The following PSMD14 variants were observed in gnomAD, a reference collection of about 807,000 sequenced individuals.
The protein encoded by PSMD14 is ubiquitin C-terminal hydrolase PSMD14.
In PSMD14, 7 loss-of-function variants were observed where a neutral mutation model predicts 41.2. The ratio of observed to expected loss-of-function variants is 0.17; its 90% CI spans 0.10 to 0.32. The LOEUF (loss-of-function observed/expected upper bound fraction) is 0.32. Among genes scored for constraint, PSMD14 ranks in the 10% least tolerant of loss-of-function variants. The probability of loss-of-function intolerance (pLI) is 1.00; values close to 1 mark genes in which losing one functional copy is unlikely to be tolerated. For synonymous variants in PSMD14, 114 were observed against 122.3 expected (o/e 0.93, Z 0.45); for missense variants, 139 against 375.6 (o/e 0.37, Z 5.21).
chr2:161,340,988 C>T, intron 3 of PSMD14: 3 of 1,612,346 alleles, frequency 1.9e-6, no homozygotes, highest in South Asian at 2.2e-5. Flanking sequence ...CCTCTTCCTG[C>T]CTCGCCTCCA....
intron 3 of PSMD14, among the ~76,000 whole-genome samples, chr2:161,344,949 A>G (rs1366433220): frequency 2.0e-5 from 3 of 152,202 alleles, no homozygotes; most frequent in Non-Finnish European, 2.9e-5. Flanking sequence ...TATCATGCTA[A>G]GAAATGCTTG....
chr2:161,321,785 A>G (rs899663743), intron 3 of PSMD14, among the ~76,000 whole-genome samples: 4 of 152,196 alleles, frequency 2.6e-5, no homozygotes, highest in African/African-American at 9.7e-5. Context: ...GAAGACACAC[A>G]GGATGGGGTC....
intron 10 of PSMD14, among the ~76,000 whole-genome samples, chr2:161,405,134 A>C (rs1031680400): frequency 6.6e-6 from 1 of 152,080 alleles, no homozygotes; most frequent in African/African-American, 2.4e-5. Context: ...TCATTTTTCT[A>C]GGCATCGTGT....
intron 7 of PSMD14, among the ~76,000 whole-genome samples, chr2:161,377,277 C>T (rs963860872): frequency 6.6e-6 from 1 of 151,792 alleles, no homozygotes; most frequent in Non-Finnish European, 1.5e-5. Context: ...AATAGGAAAT[C>T]GAATACATAA....
intron 3 of PSMD14, among the ~76,000 whole-genome samples, chr2:161,345,708 C>T (rs1304017153): frequency 6.6e-6 from 1 of 152,110 alleles, no homozygotes; most frequent in East Asian, 1.9e-4. Flanking sequence ...ATTTTAATCA[C>T]ATTTGGACAA....
chr2:161,371,408 G>A (rs1683432469), intron 7 of PSMD14, 86 bp downstream of exon 7: 6 of 1,368,320 alleles, frequency 4.4e-6, no homozygotes, highest in Admixed American at 4.7e-5. Context: ...GTTCAAAGCA[G>A]GATTCTTAAT....
chr2:161,360,965 T>C (rs1683282000), intron 3 of PSMD14, among the ~76,000 whole-genome samples: 1 of 152,260 alleles, frequency 6.6e-6, no homozygotes, highest in Non-Finnish European at 1.5e-5. Flanking sequence ...GGAAAACTAT[T>C]TTTTCAGGGT....
chr2:161,393,276 T>C (rs533623647), intron 9 of PSMD14, among the ~76,000 whole-genome samples: 1 of 152,178 alleles, frequency 6.6e-6, no homozygotes, highest in Non-Finnish European at 1.5e-5. Flanking sequence ...GCATAGGTAG[T>C]TGTAGCAGCA....
chr2:161,371,316 A>G lies in PSMD14; in HGVS notation c.456A>G (p.Lys152=). The G allele has an allele frequency of 1.9e-6, 3 of 1,608,256 alleles. No individual in the cohort carries two copies. In the African/African-American group the frequency reaches 4.0e-5, roughly 21 times the overall value. The change falls in exon 7 of 12, where the codon AAA becomes AAG. Residue 152 remains lysine (K), a synonymous_variant. Coordinates refer to ENST00000409682, the MANE Select transcript of PSMD14 (RefSeq NM_005805.6). ...TTGTGGATCCCATTCAGAGTGTAAA[A>G]GGAAAGGTAGAGTAGATTCTATCTT... is the stretch of plus-strand genomic sequence containing the variant. ...AVVVDPIQSV[K]GKVVIDAFRL... is the part of the protein sequence containing the mutation.
chr2:161,335,379 C>T (rs903390178), intron 3 of PSMD14, among the ~76,000 whole-genome samples: 2 of 152,194 alleles, frequency 1.3e-5, no homozygotes, highest in Admixed American at 6.5e-5. Flanking sequence ...CTACCGAGTC[C>T]TTGAAATGTA....
Position 161,318,849 on chromosome 2 carries a change from A to C in PSMD14, c.24A>C (p.Gly8=). The change falls in exon 3 of 12, where the codon GGA becomes GGC. Residue 8 remains glycine, a synonymous_variant. Coordinates refer to ENST00000409682, the MANE Select transcript of PSMD14 (RefSeq NM_005805.6). The stretch of plus-strand genomic sequence containing the variant: ...ATATGGACAGACTTCTTAGACTTGG[A>C]GGAGGTATGCCTGGACTGGGCCAGG... The part of the protein sequence containing the change: MDRLLRL[G]GGMPGLGQGP... 6.2e-7 allele frequency: 1 copy of C among 1,612,974 alleles called. No individual in the cohort carries two copies. Among genetic ancestry groups the C allele is most frequent in the Non-Finnish European group, 8.5e-7 (1 of 1,179,308 alleles).
At chr2:161,407,218 T>C (rs1683959377) in intron 10 of PSMD14, among the ~76,000 whole-genome samples, 1 of 152,102 alleles carries the variant, frequency 6.6e-6, no homozygotes, top group African/African-American at 2.4e-5. Context: ...CTTAATATGT[T>C]TTGTCAATGT....
At chr2:161,310,072 A>G (rs948147241) in intron 1 of PSMD14, among the ~76,000 whole-genome samples, 3 of 152,132 alleles carry the variant, frequency 2.0e-5, no homozygotes, top group Non-Finnish European at 4.4e-5. Context: ...TGGAGGTGGA[A>G]CCTGGGAGGT....
intron 3 of PSMD14, among the ~76,000 whole-genome samples, chr2:161,326,760 T>C (rs1682705541): frequency 6.6e-6 from 1 of 152,232 alleles, no homozygotes; most frequent in Non-Finnish European, 1.5e-5. Flanking sequence ...AATCTATGGC[T>C]GCTCAAGTCC....
intron 7 of PSMD14, 159 bp from the exon 8 acceptor site, chr2:161,385,305 C>T (rs1203815796): frequency 5.0e-6 from 2 of 403,764 alleles, no homozygotes; most frequent in East Asian, 3.6e-5. Flanking sequence ...GTGCTGATGG[C>T]ACAGTCAGCA....
intron 3 of PSMD14, among the ~76,000 whole-genome samples, chr2:161,346,527 GTC>G (rs2105244865): frequency 6.7e-6 from 1 of 149,832 alleles, no homozygotes; most frequent in South Asian, 2.1e-4. Context: ...TGCTTTGTAT[GTC>G]TGATAGTTTT....
chr2:161,408,637 T>A (rs563495682), intron 10 of PSMD14, 200 bp from the exon 11 acceptor site: 1 of 497,990 alleles, frequency 2.0e-6, no homozygotes, highest in African/African-American at 1.9e-5. Flanking sequence ...TTCTTGTCTG[T>A]TTTCAAAATG....
At chr2:161,372,469 TA>T (rs1402909442) in intron 7 of PSMD14, among the ~76,000 whole-genome samples, 1 of 152,020 alleles carries the variant, frequency 6.6e-6, no homozygotes, top group African/African-American at 2.4e-5. Context: ...TTATCATGTA[TA>T]AAAATTGAGG....
At chr2:161,349,352 G>T (rs942743340) in intron 3 of PSMD14, among the ~76,000 whole-genome samples, 6 of 152,158 alleles carry the variant, frequency 3.9e-5, no homozygotes, top group African/African-American at 1.4e-4. Flanking sequence ...TTTCATGTAT[G>T]CCTGGCTCAC....
Sources: allele counts gnomAD v4.1 joint callset (sites outside exome capture counted in the v4.1 genomes callset), GRCh38; gene constraint gnomAD v4.1.1; transcripts MANE v1.5; gene names NCBI Gene and HGNC (gene_info 2026-07-23, HGNC 2026-07-21).